ASB9: variants seen among roughly 807,000 people sequenced by gnomAD.
The protein encoded by ASB9 is ankyrin repeat and SOCS box containing 9.
In ASB9, 5 loss-of-function variants were observed where a neutral mutation model predicts 16.6. The observed-to-expected ratio is 0.30, with a 90% CI of 0.16 to 0.63. The LOEUF is 0.63. Among genes scored for constraint, ASB9 ranks in the 30% least tolerant of loss-of-function variants. The probability of loss-of-function intolerance (pLI) is 0.82; values close to 1 mark genes in which losing one functional copy is unlikely to be tolerated. For missense variants in ASB9, 216 were observed against 229.4 expected (o/e 0.94, Z 0.38); for synonymous variants, 100 against 86.4 (o/e 1.16, Z -0.87).
At chrX:15,269,120 T>G (rs930960614) in intron 1 of ASB9, among the ~76,000 whole-genome samples, 9 of 111,921 alleles carry the variant, frequency 8.0e-5, no homozygotes, top group African/African-American at 2.9e-4. Flanking sequence ...GCTGGAGAGT[T>G]AACCAGTATA....
intron 6 of ASB9, among the ~76,000 whole-genome samples, chrX:15,246,679 G>A (rs931742610): frequency 6.3e-5 from 7 of 110,574 alleles, no homozygotes; most frequent in African/African-American, 2.3e-4. Context: ...GGGTTTCACC[G>A]TGTTAGCCAG....
rs756915629 is a variant in ASB9, at chrX:15,256,988, A to C, written c.174+1878T>G. ...GGTATGATTGTCACATGAAGCAAAA[A>C]TCATGCAAGTGTATCAGACACAAGT... On this transcript the variant is annotated intron_variant, in intron 2 of 6. Transcript: ENST00000380488. 2.7e-5 allele frequency among the ~76,000 whole-genome samples: 3 copies of C among 110,831 alleles called. No individual in the cohort carries two copies. The Admixed American group carries it at 2.9e-4, about 11-fold the overall frequency.
intron 2 of ASB9, among the ~76,000 whole-genome samples, chrX:15,256,530 C>T (rs1925555891): frequency 9.3e-6 from 1 of 107,615 alleles, no homozygotes; most frequent in African/African-American, 3.4e-5. Flanking sequence ...GTAATCCCAG[C>T]ACTTTGGGAG....
In ASB9 at chrX:15,254,731, C is replaced by A; in HGVS notation, c.282+6G>T. On this transcript the variant is annotated splice_donor_region_variant and intron_variant, in intron 3 of 6. Transcript: ENST00000380488. ...GTTTCTAAGATGTTGTTTCAGCTGCCCTTACCTGAGCTCCATGCTTTAATA... is the reference window on the plus strand; with the variant it reads ...GTTTCTAAGATGTTGTTTCAGCTGCACTTACCTGAGCTCCATGCTTTAATA... The A allele has an allele frequency of 8.4e-7, 1 of 1,191,756 alleles. No homozygotes were observed. Among genetic ancestry groups the A allele is most frequent in the Non-Finnish European group, 1.1e-6 (1 of 877,896 alleles).
At chrX:15,260,421 A>G (rs992629984) in intron 1 of ASB9, among the ~76,000 whole-genome samples, 1 of 112,211 alleles carries the variant, frequency 8.9e-6, no homozygotes, top group Non-Finnish European at 1.9e-5. Context: ...AAAATAGCAA[A>G]TTTATTCTAC....
chrX:15,257,363 G>A (rs1226986811), intron 2 of ASB9, among the ~76,000 whole-genome samples: 1 of 110,541 alleles, frequency 9.0e-6, no homozygotes, highest in African/African-American at 3.3e-5. Context: ...CCGAGATCGC[G>A]CCACTGCACT....
intron 1 of ASB9, among the ~76,000 whole-genome samples, chrX:15,267,414 A>AT (rs1286671684): frequency 1.9e-5 from 1 of 53,266 alleles, no homozygotes; most frequent in Non-Finnish European, 3.8e-5. Context: ...CATCTAAAAA[A>AT]AAAATATATA....
chrX:15,249,927 G>A (rs903929847), intron 5 of ASB9, among the ~76,000 whole-genome samples: 12 of 112,141 alleles, frequency 1.1e-4, no homozygotes, highest in Non-Finnish European at 2.3e-4. Flanking sequence ...TGTTCCAGGT[G>A]TTGAGAAGGG....
intron 2 of ASB9, among the ~76,000 whole-genome samples, chrX:15,255,095 G>A (rs1189341510): frequency 9.0e-6 from 1 of 111,366 alleles, no homozygotes; most frequent in Admixed American, 9.5e-5. Flanking sequence ...CTATGACTCA[G>A]CAATTTGACT....
intron 5 of ASB9, 88 bp downstream of exon 5, chrX:15,250,339 CTAA>C: frequency 9.7e-7 from 1 of 1,029,278 alleles, no homozygotes; most frequent in South Asian, 2.3e-5. Flanking sequence ...ATTGCCCACA[CTAA>C]TTTCTCTCCT....
chrX:15,266,457 T>G (rs1391681619), intron 1 of ASB9, among the ~76,000 whole-genome samples: 1 of 111,929 alleles, frequency 8.9e-6, no homozygotes, highest in East Asian at 2.8e-4. Flanking sequence ...CCTGACCTCC[T>G]CCACTTAGCT....
At chrX:15,245,082 T>A (rs1287167885) in intron 6 of ASB9, among the ~76,000 whole-genome samples, 1 of 111,832 alleles carries the variant, frequency 8.9e-6, no homozygotes, top group Admixed American at 9.5e-5. Flanking sequence ...ATCCTAAGAG[T>A]ATGTGAAGTC....
At position 15,250,467 on chromosome X, in the gene ASB9, G is replaced by A. The variant is rs775026258; in HGVS notation, c.531C>T (p.Asn177=). 42 of 1,209,283 alleles carry A rather than the reference G, an allele frequency of 3.5e-5. No homozygotes were observed. Among genetic ancestry groups the A allele is most frequent in the Non-Finnish European group, 4.5e-5 (40 of 894,554 alleles). ...GCTTCTTGACACAGGCTCTCTGTTGGTTTTCACAAGCCAAATAGAGTGGAG... is the reference window on the plus strand; with the variant it reads ...GCTTCTTGACACAGGCTCTCTGTTGATTTTCACAAGCCAAATAGAGTGGAG... ...LGTPLYLACE[N]QQRACVKKLL... Residue 177 remains asparagine (N), a synonymous_variant, in exon 5 of 7, where the codon AAC becomes AAT. Transcript: ENST00000380488.
intron 1 of ASB9, among the ~76,000 whole-genome samples, chrX:15,268,561 G>C (rs2071590036): frequency 1.9e-5 from 2 of 104,144 alleles, no homozygotes; most frequent in Admixed American, 1.0e-4. Flanking sequence ...GAGTAGCTGG[G>C]ATTACAGGCA....
intron 1 of ASB9, among the ~76,000 whole-genome samples, chrX:15,267,418 ATATAT>A (rs1569162057): frequency 2.1e-3 from 50 of 24,079 alleles, no homozygotes; most frequent in Non-Finnish European, 3.1e-3. Context: ...TAAAAAAAAA[ATATAT>A]ATATATATAT....
At chrX:15,256,846 A>G (rs1207407825) in intron 2 of ASB9, among the ~76,000 whole-genome samples, 2 of 109,419 alleles carry the variant, frequency 1.8e-5, no homozygotes, top group Non-Finnish European at 3.8e-5. Flanking sequence ...AGAATATGTC[A>G]TTTCTTACTT....
At position 15,254,834 on chromosome X, in the gene ASB9, A is replaced by G; in HGVS notation, c.185T>C (p.Val62Ala). The change falls in exon 3 of 7, where the codon GTG (valine) becomes GCG (alanine). Residue 62 changes from valine to alanine, a missense_variant. Transcript: ENST00000380488. Reference sequence around the variant, plus strand: ...AACATGATCTGCCGTGATGATGTTCACAGCCCACCCCTGAAGGAGGGGAAA... The same window carrying G: ...AACATGATCTGCCGTGATGATGTTCGCAGCCCACCCCTGAAGGAGGGGAAA... The part of the protein sequence containing the change: ...LRNLISQGWA[V>A]NIITADHVSP... The G allele has an allele frequency of 8.3e-7, 1 of 1,208,254 alleles. No homozygotes were observed.
At chrX:15,255,940 T>G (rs1353585677) in intron 2 of ASB9, among the ~76,000 whole-genome samples, 1 of 111,467 alleles carries the variant, frequency 9.0e-6, no homozygotes, top group African/African-American at 3.3e-5. Flanking sequence ...AAAATATCAG[T>G]TTCACCCAAT....
intron 6 of ASB9, among the ~76,000 whole-genome samples, chrX:15,245,896 T>TG (rs1323040142): frequency 8.9e-6 from 1 of 111,865 alleles, no homozygotes; most frequent in Non-Finnish European, 1.9e-5. Flanking sequence ...AAAAAATACT[T>TG]GCAGTATTTT....
Sources: allele counts gnomAD v4.1 joint callset (sites outside exome capture counted in the v4.1 genomes callset), GRCh38; gene constraint gnomAD v4.1.1; transcripts MANE v1.5; gene names NCBI Gene and HGNC (gene_info 2026-07-23, HGNC 2026-07-21).